The following RANBP2 variants were observed in gnomAD, a reference collection of about 807,000 sequenced individuals.
The protein encoded by RANBP2 is RAN binding protein 2, also known as E3 SUMO-protein ligase RanBP2.
A neutral mutation model predicts 303.6 loss-of-function variants in RANBP2; 57 were observed. The observed-to-expected ratio is 0.19, with a 90% CI of 0.15 to 0.23. The LOEUF (loss-of-function observed/expected upper bound fraction) is 0.23, where lower values mean the gene tolerates loss of function less well. Among genes scored for constraint, RANBP2 ranks in the 10% least tolerant of loss-of-function variants. RANBP2 has a pLI of 1.00. For missense variants in RANBP2, 3,138 were observed against 3,780.8 expected (o/e 0.83, Z 4.46); for synonymous variants, 1,167 against 1,301.5 (o/e 0.90, Z 2.23).
At chr2:109,065,074 T>C in the RANBP2 span, among the ~76,000 whole-genome samples, 2 of 152,202 alleles carry the variant, frequency 1.3e-5, no homozygotes, top group East Asian at 3.8e-4. Flanking sequence ...TCAGGAGTCC[T>C]GGCTTCTCAT....
chr2:109,008,328 G>T, the RANBP2 span, among the ~76,000 whole-genome samples: 1 of 152,144 alleles, frequency 6.6e-6, no homozygotes, highest in African/African-American at 2.4e-5. Flanking sequence ...GGAATGAATG[G>T]ATGAATGAAT....
chr2:109,173,760 G>C, the RANBP2 span, among the ~76,000 whole-genome samples: 27 of 152,210 alleles, frequency 1.8e-4, no homozygotes, highest in African/African-American at 6.0e-4. Context: ...GTGGTAGCCT[G>C]CCTGTGGTGT....
At chr2:109,215,550 G>A in the RANBP2 span, among the ~76,000 whole-genome samples, 4 of 152,216 alleles carry the variant, frequency 2.6e-5, no homozygotes, top group African/African-American at 7.2e-5. Context: ...GGTTCCTCTC[G>A]GGAGAGCCCC....
chr2:109,192,439 G>A, the RANBP2 span, among the ~76,000 whole-genome samples: 1 of 152,150 alleles, frequency 6.6e-6, no homozygotes, highest in East Asian at 1.9e-4. Flanking sequence ...ATTATTAAGA[G>A]GAAATGCACT....
chr2:108,807,137 C>T, the RANBP2 span, among the ~76,000 whole-genome samples: 1 of 151,958 alleles, frequency 6.6e-6, no homozygotes, highest in Non-Finnish European at 1.5e-5. Context: ...GAAAAAAACC[C>T]CAGAGAATAT....
intron 7 of RANBP2, among the ~76,000 whole-genome samples, chr2:108,741,898 G>C (rs1481712706): frequency 6.8e-6 from 1 of 147,718 alleles, no homozygotes; most frequent in Non-Finnish European, 1.5e-5. Flanking sequence ...ATTAAACCAC[G>C]CTTAGAAAAA....
At chr2:109,002,100 GCTGCC>G in the RANBP2 span, among the ~76,000 whole-genome samples, 1 of 152,196 alleles carries the variant, frequency 6.6e-6, no homozygotes, top group South Asian at 2.1e-4. Context: ...GCTGCCATTT[GCTGCC>G]CCTTGTGTCC....
chr2:109,176,692 G>A, the RANBP2 span, among the ~76,000 whole-genome samples: 2 of 152,124 alleles, frequency 1.3e-5, no homozygotes, highest in East Asian at 3.9e-4. Context: ...AGCTATGATG[G>A]TGTCACCGCA....
chr2:109,589,034 G>A, the RANBP2 span, among the ~76,000 whole-genome samples: 1 of 151,750 alleles, frequency 6.6e-6, no homozygotes, highest in Non-Finnish European at 1.5e-5. Flanking sequence ...GAGTTTAAGT[G>A]ATTCTTCCAC....
At chr2:109,169,075 G>A in the RANBP2 span, among the ~76,000 whole-genome samples, 8 of 152,172 alleles carry the variant, frequency 5.3e-5, no homozygotes, top group African/African-American at 1.9e-4. Flanking sequence ...CACCACTGAG[G>A]CAGCCTTTGG....
the RANBP2 span, among the ~76,000 whole-genome samples, chr2:108,807,076 T>C: frequency 2.6e-5 from 4 of 152,116 alleles, no homozygotes; most frequent in African/African-American, 4.8e-5. Flanking sequence ...TTTCATTCTA[T>C]ACAAAATTAA....
At chr2:109,493,680 C>T in the RANBP2 span, among the ~76,000 whole-genome samples, 1 of 151,484 alleles carries the variant, frequency 6.6e-6, no homozygotes, top group African/African-American at 2.4e-5. Flanking sequence ...ACACATCACA[C>T]ACCATACACA....
the RANBP2 span, among the ~76,000 whole-genome samples, chr2:109,642,539 G>A: frequency 6.6e-6 from 1 of 150,866 alleles, no homozygotes; most frequent in African/African-American, 2.4e-5. Flanking sequence ...CATGAGGTCA[G>A]GAGATTGAGA....
chr2:109,688,230 C>G, the RANBP2 span, among the ~76,000 whole-genome samples: 1 of 152,274 alleles, frequency 6.6e-6, no homozygotes, highest in South Asian at 2.1e-4. Flanking sequence ...CTCCTGAGGC[C>G]TATGGTGCCC....
chr2:109,259,277 C>T, the RANBP2 span, among the ~76,000 whole-genome samples: 26 of 152,300 alleles, frequency 1.7e-4, no homozygotes, highest in South Asian at 5.4e-3. Context: ...GCTGCTGGCT[C>T]CTGAACAACT....
chr2:109,536,236 C>T, the RANBP2 span, among the ~76,000 whole-genome samples: 86 of 152,310 alleles, frequency 5.6e-4, no homozygotes, highest in African/African-American at 2.0e-3. Flanking sequence ...GGAAAAGCTG[C>T]AGACACTCAA....
chr2:109,083,519 A>G, the RANBP2 span, among the ~76,000 whole-genome samples: 1 of 152,076 alleles, frequency 6.6e-6, no homozygotes, highest in Non-Finnish European at 1.5e-5. Context: ...GATGTAGCAC[A>G]CTTTCTTTAT....
the RANBP2 span, among the ~76,000 whole-genome samples, chr2:109,189,354 T>C: frequency 6.9e-6 from 1 of 144,936 alleles, no homozygotes; most frequent in Non-Finnish European, 1.5e-5. Flanking sequence ...AACTTACGTG[T>C]TCAGTCGTTT....
chr2:108,973,504 C>G, the RANBP2 span, among the ~76,000 whole-genome samples: 1 of 152,188 alleles, frequency 6.6e-6, no homozygotes, highest in African/African-American at 2.4e-5. Context: ...ATGCCAAGGG[C>G]CTGAACCCTG....
Sources: gnomAD v4.1 joint callset for allele counts (sites outside exome capture counted in the v4.1 genomes callset) on GRCh38, gnomAD v4.1.1 for gene constraint, MANE v1.5 for transcripts, NCBI Gene and HGNC (gene_info 2026-07-23, HGNC 2026-07-21) for gene names.